Variants in ELMO1 observed in about 807,000 individuals in gnomAD.
ELMO1 encodes engulfment and cell motility protein 1.
Under a neutral mutation model 98.9 loss-of-function variants are expected in ELMO1, and 26 were observed. That is an observed-to-expected ratio of 0.26 (90% CI 0.19 to 0.36). The LOEUF is 0.36. ELMO1 is among the 10% of genes least tolerant of loss of function. The pLI is 1.00. For synonymous variants in ELMO1, 346 were observed against 346.0 expected (o/e 1.00, Z 0.00); for missense variants, 627 against 935.2 (o/e 0.67, Z 4.30).
rs201643830 is a variant in ELMO1 at position 37,233,112 on chromosome 7, C to T, written c.532G>A (p.Val178Met). The part of the protein sequence containing the change: ...HGIVSWDTFS[V>M]AFIKKIASFV... Reference sequence around the variant, plus strand: ...CACCTTACCTTCTTAATGAACGCCACCGAAAATGTATCCCAGGACACTATG... The same window carrying T: ...CACCTTACCTTCTTAATGAACGCCATCGAAAATGTATCCCAGGACACTATG... The change falls in exon 8 of 22, where the codon GTG becomes ATG. Residue 178 changes from valine (V) to methionine (M), a missense_variant. By Grantham distance (21) the Val-to-Met change is conservative. Transcript: ENST00000310758. The T allele has an allele frequency of 1.1e-4, 179 of 1,613,410 alleles. No individual in the cohort carries two copies. Among genetic ancestry groups the T allele is most frequent in the Admixed American group, 4.3e-4 (26 of 59,938 alleles).
intron 13 of ELMO1, among the ~76,000 whole-genome samples, chr7:37,206,629 A>G (rs1480515019): frequency 6.6e-6 from 1 of 152,234 alleles, no homozygotes; most frequent in Non-Finnish European, 1.5e-5. Context: ...ATTATCTTCC[A>G]TCACCCAAGA....
At chr7:37,320,426 A>G (rs1799421675) in intron 2 of ELMO1, among the ~76,000 whole-genome samples, 1 of 152,158 alleles carries the variant, frequency 6.6e-6, no homozygotes, top group Non-Finnish European at 1.5e-5. Flanking sequence ...ACAAAAAAAA[A>G]TCCCATCTCC....
chr7:37,427,604 T>C (rs1450198700), intron 1 of ELMO1, among the ~76,000 whole-genome samples: 2 of 152,240 alleles, frequency 1.3e-5, no homozygotes, highest in South Asian at 2.1e-4. Context: ...ACTCCAAACA[T>C]TGAGCCTTTT....
intron 1 of ELMO1, among the ~76,000 whole-genome samples, chr7:37,437,632 C>T (rs1418034868): frequency 6.6e-6 from 1 of 152,074 alleles, no homozygotes. Context: ...TTTAGCATTC[C>T]TTTGTGGTGG....
chr7:36,979,443 G>A (rs1790860445), intron 16 of ELMO1, among the ~76,000 whole-genome samples: 1 of 152,224 alleles, frequency 6.6e-6, no homozygotes, highest in Non-Finnish European at 1.5e-5. Flanking sequence ...AGAGGGGACA[G>A]AAGCATGGCT....
At chr7:37,159,082 C>T (rs1293505352) in intron 13 of ELMO1, among the ~76,000 whole-genome samples, 2 of 152,136 alleles carry the variant, frequency 1.3e-5, no homozygotes, top group South Asian at 2.1e-4. Flanking sequence ...CATGTTCCCA[C>T]GCATAAGTGG....
intron 18 of ELMO1, among the ~76,000 whole-genome samples, chr7:36,885,828 C>G (rs943640008): frequency 6.6e-6 from 1 of 152,192 alleles, no homozygotes; most frequent in Non-Finnish European, 1.5e-5. Flanking sequence ...CACTCTGGCT[C>G]ACTGCTTTTT....
chr7:37,025,505 CT>C (rs1373906812), intron 15 of ELMO1, among the ~76,000 whole-genome samples: 1 of 152,132 alleles, frequency 6.6e-6, no homozygotes, highest in Non-Finnish European at 1.5e-5. Context: ...GTAGATAGCT[CT>C]TCCCAAGGTG....
chr7:36,901,062 A>C (rs1806470098), intron 16 of ELMO1, among the ~76,000 whole-genome samples: 1 of 152,182 alleles, frequency 6.6e-6, no homozygotes, highest in South Asian at 2.1e-4. Flanking sequence ...AAAGTGTCAG[A>C]AGTGAGGGTA....
chr7:37,446,079 A>G (rs1281722370), intron 1 of ELMO1, among the ~76,000 whole-genome samples: 1 of 152,220 alleles, frequency 6.6e-6, no homozygotes, highest in East Asian at 1.9e-4. Flanking sequence ...GGGGGAAAGG[A>G]CAGCGAAAAA....
rs146271420 is a variant in ELMO1, at chr7:37,004,539, G to A, written c.1437+8760C>T. 5.9e-5 allele frequency among the ~76,000 whole-genome samples: 9 copies of A among 152,274 alleles called. No individual in the cohort carries two copies. The East Asian group carries it at 7.7e-4, about 13-fold the overall frequency. Reference sequence around the variant, plus strand: ...TAATTGGCAAATCTCAAGTTAGCACGTGCTACACATGCAAAGAAACATAGA... The same window carrying A: ...TAATTGGCAAATCTCAAGTTAGCACATGCTACACATGCAAAGAAACATAGA... On this transcript the variant is annotated intron_variant, in intron 16 of 21. Coordinates refer to ENST00000310758, the MANE Select transcript of ELMO1 (RefSeq NM_014800.11).
At chr7:36,978,117 G>A (rs1380158238) in intron 16 of ELMO1, among the ~76,000 whole-genome samples, 4 of 152,142 alleles carry the variant, frequency 2.6e-5, no homozygotes, top group Admixed American at 6.6e-5. Flanking sequence ...TGTGAACTTT[G>A]TCTCTTGTTA....
chr7:36,913,477 CAG>C (rs1784474652), intron 16 of ELMO1, among the ~76,000 whole-genome samples: 3 of 152,316 alleles, frequency 2.0e-5, no homozygotes, highest in South Asian at 2.1e-4. Flanking sequence ...GTTCTGCACA[CAG>C]AGTTTGACCA....
chr7:37,049,601 C>T (rs1040094131), intron 15 of ELMO1, among the ~76,000 whole-genome samples: 8 of 151,724 alleles, frequency 5.3e-5, no homozygotes, highest in African/African-American at 9.7e-5. Context: ...TTGTCATATT[C>T]GTTCATGGGA....
chr7:36,999,840 GC>G (rs1792511543), intron 16 of ELMO1, among the ~76,000 whole-genome samples: 1 of 152,150 alleles, frequency 6.6e-6, no homozygotes, highest in Non-Finnish European at 1.5e-5. Context: ...GGGAGCAAAG[GC>G]TGAGGCTGCA....
At chr7:37,007,018 G>T (rs771655004) in intron 16 of ELMO1, among the ~76,000 whole-genome samples, 7 of 149,036 alleles carry the variant, frequency 4.7e-5, no homozygotes, top group Non-Finnish European at 1.0e-4. Flanking sequence ...TATCTTACAT[G>T]AACAGCTTAA....
intron 5 of ELMO1, among the ~76,000 whole-genome samples, chr7:37,262,993 G>C (rs1796052739): frequency 6.6e-6 from 1 of 152,228 alleles, no homozygotes; most frequent in African/African-American, 2.4e-5. Context: ...GTGCTCCACA[G>C]AGGTGAGTCC....
At chr7:37,169,285 G>T (rs1379998828) in intron 13 of ELMO1, among the ~76,000 whole-genome samples, 3 of 152,218 alleles carry the variant, frequency 2.0e-5, no homozygotes, top group Non-Finnish European at 4.4e-5. Flanking sequence ...CTGACCCCTT[G>T]CACTTCCCGA....
chr7:36,894,609 T>C (rs1310782908), intron 17 of ELMO1, among the ~76,000 whole-genome samples: 1 of 152,200 alleles, frequency 6.6e-6, no homozygotes, highest in East Asian at 1.9e-4. Context: ...CCTGGAGGAC[T>C]TGTCACTAAC....
Sources: allele counts gnomAD v4.1 joint callset (sites outside exome capture counted in the v4.1 genomes callset), GRCh38; gene constraint gnomAD v4.1.1; transcripts MANE v1.5; gene names NCBI Gene and HGNC (gene_info 2026-07-23, HGNC 2026-07-21).